The following PRELID2 variants were observed in gnomAD, a reference collection of about 807,000 sequenced individuals.
The protein encoded by PRELID2 is PRELI domain-containing protein 2.
A neutral mutation model predicts 28.4 loss-of-function variants in PRELID2; 25 were observed. That is an observed-to-expected ratio of 0.88 (90% CI 0.64 to 1.23). The LOEUF is 1.23. Among genes scored for constraint, PRELID2 ranks in the 50% most tolerant of loss-of-function variants. The pLI is 0.00. For missense variants in PRELID2, 201 were observed against 214.4 expected (o/e 0.94, Z 0.39); for synonymous variants, 76 against 71.6 (o/e 1.06, Z -0.31).
chr5:145,527,611 C>G lies in PRELID2; in HGVS notation n.71-54296G>C, dbSNP rs565867622. On this transcript the variant is annotated intron_variant and non_coding_transcript_variant, in intron 1 of 2. Coordinates refer to the PRELID2 transcript ENST00000510259. ...ATTATACAAATCCAGAGAGAGACAGCCAGAAAGTTTGTGCTTTGCCCTCAA... is the reference window on the plus strand; with the variant it reads ...ATTATACAAATCCAGAGAGAGACAGGCAGAAAGTTTGTGCTTTGCCCTCAA... Among the ~76,000 whole-genome samples, 81 of 152,224 alleles carry G rather than the reference C, an allele frequency of 5.3e-4. No homozygotes were observed. In the South Asian group the frequency reaches 0.011, roughly 20 times the overall value.
intron 1 of PRELID2, among the ~76,000 whole-genome samples, chr5:145,704,783 A>G (rs1755499365): frequency 6.6e-6 from 1 of 152,136 alleles, no homozygotes; most frequent in South Asian, 2.1e-4. Context: ...CCCGAAAGGG[A>G]ATATAGTCTC....
chr5:145,568,220 G>A (rs1356773218), intron 1 of PRELID2, among the ~76,000 whole-genome samples: 2 of 152,218 alleles, frequency 1.3e-5, no homozygotes, highest in Non-Finnish European at 2.9e-5. Flanking sequence ...GAGTGAGGAA[G>A]AGGCCAAGTG....
intron 1 of PRELID2, among the ~76,000 whole-genome samples, chr5:145,540,689 GA>G (rs34388522): frequency 0.18 from 17,573 of 98,266 alleles, 1,016 homozygotes; most frequent in Middle Eastern, 0.2. Flanking sequence ...GTCAATGGCA[GA>G]AAAAAAAAAA....
At chr5:145,611,997 A>G (rs1753623694) in intron 1 of PRELID2, among the ~76,000 whole-genome samples, 1 of 152,204 alleles carries the variant, frequency 6.6e-6, no homozygotes, top group South Asian at 2.1e-4. Flanking sequence ...CCCATGAACA[A>G]ATAACACTTT....
rs905739732 is a variant in PRELID2, at chr5:145,634,460, A to G, written n.70+130471T>C. Among the ~76,000 whole-genome samples the G allele has an allele frequency of 6.6e-5, 10 of 152,192 alleles. No individual in the cohort carries two copies. In the East Asian group the frequency reaches 1.6e-3, roughly 24 times the overall value. On this transcript the variant is annotated intron_variant and non_coding_transcript_variant, in intron 1 of 2. Transcript: ENST00000510259. ...CTTGCAATTCTTGAGACCCACCAAAATCATTCTCACCTCTAAGTTATAAGG... is the reference window on the plus strand; with the variant it reads ...CTTGCAATTCTTGAGACCCACCAAAGTCATTCTCACCTCTAAGTTATAAGG...
chr5:145,319,044 C>G, the PRELID2 span, among the ~76,000 whole-genome samples: 10 of 152,280 alleles, frequency 6.6e-5, no homozygotes, highest in Non-Finnish European at 1.3e-4. Context: ...GACATTCCTT[C>G]TCTTCTCTGC....
At chr5:145,292,651 T>C in the PRELID2 span, among the ~76,000 whole-genome samples, 1 of 145,684 alleles carries the variant, frequency 6.9e-6, no homozygotes, top group Non-Finnish European at 1.6e-5. Flanking sequence ...TTTAAGTTTC[T>C]CACACTTAAG....
the PRELID2 span, among the ~76,000 whole-genome samples, chr5:145,313,760 A>C: frequency 1.3e-5 from 2 of 152,204 alleles, no homozygotes; most frequent in Non-Finnish European, 2.9e-5. Flanking sequence ...AAAGAGTTGC[A>C]GCATTACATT....
chr5:145,293,917 G>A, the PRELID2 span, among the ~76,000 whole-genome samples: 1 of 152,154 alleles, frequency 6.6e-6, no homozygotes, highest in South Asian at 2.1e-4. Flanking sequence ...ATGACTACTT[G>A]ATGAGTCAGT....
chr5:145,687,151 A>G (rs1405429302), intron 1 of PRELID2, among the ~76,000 whole-genome samples: 2 of 152,216 alleles, frequency 1.3e-5, no homozygotes, highest in Non-Finnish European at 2.9e-5. Flanking sequence ...TACCATGTCA[A>G]TACTACTGTT....
chr5:145,534,598 C>T (rs1168309871), intron 1 of PRELID2, among the ~76,000 whole-genome samples: 2 of 151,986 alleles, frequency 1.3e-5, no homozygotes, highest in African/African-American at 4.8e-5. Flanking sequence ...AAGCCTGAGT[C>T]CCTTTTTCCT....
intron 1 of PRELID2, among the ~76,000 whole-genome samples, chr5:145,573,764 G>A (rs1490290865): frequency 6.6e-6 from 1 of 152,116 alleles, no homozygotes; most frequent in Non-Finnish European, 1.5e-5. Flanking sequence ...GGGCATTTTG[G>A]TTGGTTCCAA....
At chr5:145,360,054 G>A in the PRELID2 span, among the ~76,000 whole-genome samples, 110 of 152,286 alleles carry the variant, frequency 7.2e-4, 1 homozygote, top group African/African-American at 2.6e-3. Flanking sequence ...TTGGGCAGGT[G>A]CCATAAGTAT....
chr5:145,648,763 C>T (rs1020757564), intron 1 of PRELID2, among the ~76,000 whole-genome samples: 2 of 149,732 alleles, frequency 1.3e-5, no homozygotes, highest in African/African-American at 2.4e-5. Flanking sequence ...TTCTCTGAGC[C>T]ACCCCTTATA....
Position 145,621,241 on chromosome 5 carries a change from A to T in PRELID2, n.70+143690T>A, listed in dbSNP as rs1288305128. ...AATCAAACCCATCACACTGACTAGG[A>T]CGGCTATCATAAAATTATAATAATA... On this transcript the variant is annotated intron_variant and non_coding_transcript_variant, in intron 1 of 2. Transcript: ENST00000510259. Among the ~76,000 whole-genome samples the T allele has an allele frequency of 3.9e-5, 6 of 152,286 alleles. No homozygotes were observed. In the East Asian group the frequency reaches 1.2e-3, roughly 29 times the overall value.
intron 1 of PRELID2, among the ~76,000 whole-genome samples, chr5:145,601,910 T>C (rs76516313): frequency 0.07 from 10,676 of 152,234 alleles, 571 homozygotes; most frequent in Admixed American, 0.18. Flanking sequence ...TAAAGCTCAT[T>C]CCTACTATGA....
intron 1 of PRELID2, among the ~76,000 whole-genome samples, chr5:145,614,835 G>C (rs1753671290): frequency 6.6e-6 from 1 of 152,126 alleles, no homozygotes. Context: ...TCTCTTGTCT[G>C]GTTGCTCTGG....
chr5:145,381,843 G>C, the PRELID2 span, among the ~76,000 whole-genome samples: 1 of 151,864 alleles, frequency 6.6e-6, no homozygotes, highest in African/African-American at 2.4e-5. Context: ...TCTCTGTAAA[G>C]TATCATCTAC....
chr5:145,435,112 A>G, the PRELID2 span, among the ~76,000 whole-genome samples: 1 of 152,214 alleles, frequency 6.6e-6, no homozygotes, highest in Non-Finnish European at 1.5e-5. Flanking sequence ...TGGGCAAGAC[A>G]AAACCTTCAC....
Sources: gnomAD v4.1 joint callset for allele counts (sites outside exome capture counted in the v4.1 genomes callset) on GRCh38, gnomAD v4.1.1 for gene constraint, MANE v1.5 for transcripts, NCBI Gene and HGNC (gene_info 2026-07-23, HGNC 2026-07-21) for gene names.